Variants in PLSCR4 observed in about 807,000 individuals in gnomAD.
The protein encoded by PLSCR4 is Ca(2+)-dependent phospholipid scramblase 4.
PLSCR4 carries 25 observed loss-of-function variants against 36.3 expected under a neutral mutation model. The ratio of observed to expected loss-of-function variants is 0.69; its 90% CI spans 0.50 to 0.96. The LOEUF (loss-of-function observed/expected upper bound fraction) is 0.96. PLSCR4 is among the 40% of genes least tolerant of loss of function. PLSCR4 has a pLI of 0.00. For synonymous variants in PLSCR4, 122 were observed against 132.9 expected, an observed-to-expected ratio of 0.92 and a Z score of 0.56; for missense variants, 408 against 414.7, an observed-to-expected ratio of 0.98 and a Z score of 0.14.
intron 7 of PLSCR4, 32 bp from the exon 8 acceptor site, chr3:146,195,314 T>C (rs765765573): frequency 1.3e-5 from 20 of 1,545,150 alleles, no homozygotes; most frequent in East Asian, 4.5e-5. Flanking sequence ...TTTATGATGA[T>C]TGAAACGCAT....
intron 1 of PLSCR4, among the ~76,000 whole-genome samples, chr3:146,224,686 C>T (rs1366164952): frequency 2.0e-5 from 3 of 151,976 alleles, no homozygotes; most frequent in East Asian, 1.9e-4. Context: ...GGGACCCGAG[C>T]GGGTTGCCAA....
intron 5 of PLSCR4, 149 bp downstream of exon 5, chr3:146,200,886 T>C (rs2034013136): frequency 1.7e-6 from 1 of 581,772 alleles, no homozygotes; most frequent in East Asian, 3.3e-5. Context: ...TAATTCACTT[T>C]ATTACTTTCT....
In PLSCR4 at chr3:146,213,066, G is replaced by T. The variant is rs1050872395; in HGVS notation, c.119-6305C>A. Among the ~76,000 whole-genome samples, 9 of 152,016 alleles carry T rather than the reference G, an allele frequency of 5.9e-5. No homozygotes were observed. In the South Asian group the frequency reaches 1.0e-3, roughly 18 times the overall value. On this transcript the variant is annotated intron_variant, in intron 3 of 8. Transcript: ENST00000354952. ...GTGATAAACCAATCTTTTATCCATGGGATAAATCCCACTTGGTCATGGTGT... is the reference window on the plus strand; with the variant it reads ...GTGATAAACCAATCTTTTATCCATGTGATAAATCCCACTTGGTCATGGTGT...
chr3:146,240,352 G>A (rs2107847406), intron 1 of PLSCR4, among the ~76,000 whole-genome samples: 1 of 152,304 alleles, frequency 6.6e-6, no homozygotes, highest in Non-Finnish European at 1.5e-5. Context: ...GCTCATGCCT[G>A]TAATCTCAAC....
chr3:146,242,764 T>A (rs532020669), intron 1 of PLSCR4, among the ~76,000 whole-genome samples: 72 of 152,268 alleles, frequency 4.7e-4, no homozygotes, highest in African/African-American at 1.7e-3. Flanking sequence ...TTAGAATGGC[T>A]ACAGTGGGAA....
chr3:146,204,444 G>C (rs754385907), intron 4 of PLSCR4, among the ~76,000 whole-genome samples: 6 of 151,836 alleles, frequency 4.0e-5, no homozygotes, highest in Non-Finnish European at 8.8e-5. Flanking sequence ...TAACAATCTG[G>C]TAAGGTAGGT....
intron 6 of PLSCR4, among the ~76,000 whole-genome samples, chr3:146,199,369 T>TAA (rs2033917823): frequency 6.6e-6 from 1 of 152,138 alleles, no homozygotes; most frequent in Non-Finnish European, 1.5e-5. Flanking sequence ...CCTCAGCCAT[T>TAA]TAGTAATTTT....
At chr3:146,238,533 G>T (rs757055918) in intron 1 of PLSCR4, among the ~76,000 whole-genome samples, 4 of 151,630 alleles carry the variant, frequency 2.6e-5, no homozygotes, top group Non-Finnish European at 4.4e-5. Flanking sequence ...TAAAATAAAG[G>T]ACAAAAACTA....
At chr3:146,224,979 C>T (rs916239083) in intron 1 of PLSCR4, among the ~76,000 whole-genome samples, 3 of 151,932 alleles carry the variant, frequency 2.0e-5, no homozygotes, top group Middle Eastern at 3.2e-3. Context: ...GATTGGTGCA[C>T]TCACAAACCT....
Position 146,195,253 on chromosome 3 carries a change from G to C in PLSCR4, c.816C>G (p.Ile272Met), listed in dbSNP as rs370923591. ...EVKSLDGISNIGSIIRKWNGL... is the reference protein window; with the variant it reads ...EVKSLDGISNMGSIIRKWNGL... ...CATTCCACTTCCGGATAATACTGCC[G>C]ATGTTGGATATGCCATCAAGGGATT... Residue 272 changes from isoleucine (I) to methionine (M), a missense_variant, in exon 8 of 9, where the codon ATC (isoleucine) becomes ATG (methionine). Coordinates refer to ENST00000354952, the MANE Select transcript of PLSCR4 (RefSeq NM_020353.3). 5.6e-6 allele frequency: 9 copies of C among 1,613,570 alleles called. No individual in the cohort carries two copies. Among genetic ancestry groups the C allele is most frequent in the East Asian group, 2.2e-5 (1 of 44,870 alleles).
chr3:146,248,521 G>A (rs965716274), intron 1 of PLSCR4, among the ~76,000 whole-genome samples: 4 of 122,070 alleles, frequency 3.3e-5, no homozygotes, highest in African/African-American at 1.1e-4. Flanking sequence ...GTTTCAACTT[G>A]TTGTTTCATT....
At chr3:146,248,264 T>C (rs2036420100) in intron 1 of PLSCR4, among the ~76,000 whole-genome samples, 1 of 152,188 alleles carries the variant, frequency 6.6e-6, no homozygotes, top group Non-Finnish European at 1.5e-5. Context: ...ATTTCTTCTG[T>C]AGTAAATGAC....
At chr3:146,224,676 G>A (rs1015641783) in intron 1 of PLSCR4, among the ~76,000 whole-genome samples, 2 of 151,814 alleles carry the variant, frequency 1.3e-5, no homozygotes, top group African/African-American at 4.8e-5. Context: ...AGTGTGGAAG[G>A]GGACCCGAGC....
At chr3:146,221,980 G>C (rs919514752) in intron 2 of PLSCR4, 85 bp downstream of exon 2, 1 of 667,106 alleles carries the variant, frequency 1.5e-6, no homozygotes, top group South Asian at 2.6e-5. Flanking sequence ...AAAAAAAATC[G>C]AAATAAAGTC....
At chr3:146,197,075 TA>T (rs1478402664) in intron 6 of PLSCR4, among the ~76,000 whole-genome samples, 6 of 152,284 alleles carry the variant, frequency 3.9e-5, no homozygotes, top group Non-Finnish European at 8.8e-5. Context: ...GCAAGCTGCA[TA>T]AACAGCTGAT....
intron 1 of PLSCR4, among the ~76,000 whole-genome samples, chr3:146,239,357 T>C (rs143354924): frequency 3.9e-4 from 59 of 152,202 alleles, no homozygotes; most frequent in Non-Finnish European, 6.3e-4. Context: ...CAAAACAGTA[T>C]GGCATTGGTC....
chr3:146,239,974 T>G (rs945971630), intron 1 of PLSCR4, among the ~76,000 whole-genome samples: 3 of 152,136 alleles, frequency 2.0e-5, no homozygotes, highest in Admixed American at 6.5e-5. Flanking sequence ...GACATTGGGT[T>G]AGGCAATGGT....
At chr3:146,196,856 G>A (rs1262296170) in intron 6 of PLSCR4, 63 bp from the exon 7 acceptor site, 44 of 1,386,348 alleles carry the variant, frequency 3.2e-5, no homozygotes, top group Non-Finnish European at 3.4e-5. Context: ...TTACACATAC[G>A]CACATACACA....
At chr3:146,239,810 G>C (rs2036072435) in intron 1 of PLSCR4, among the ~76,000 whole-genome samples, 1 of 152,136 alleles carries the variant, frequency 6.6e-6, no homozygotes, top group Non-Finnish European at 1.5e-5. Context: ...TTGAACCCGG[G>C]AGGTGGGGGT....
Sources: allele counts gnomAD v4.1 joint callset (sites outside exome capture counted in the v4.1 genomes callset), GRCh38; gene constraint gnomAD v4.1.1; transcripts MANE v1.5; gene names NCBI Gene and HGNC (gene_info 2026-07-23, HGNC 2026-07-21).